Variants in TECTB observed in about 807,000 individuals in gnomAD.
The protein encoded by TECTB is tectorin beta.
A neutral mutation model predicts 43.3 loss-of-function variants in TECTB; 45 were observed. The ratio of observed to expected loss-of-function variants is 1.04; its 90% CI spans 0.82 to 1.33. The LOEUF (loss-of-function observed/expected upper bound fraction) is 1.33. Among genes scored for constraint, TECTB ranks in the 40% most tolerant of loss-of-function variants. TECTB has a pLI of 0.00. For missense variants in TECTB, 399 were observed against 404.7 expected (o/e 0.99, Z 0.12); for synonymous variants, 169 against 156.7 (o/e 1.08, Z -0.59).
chr10:112,296,754 T>C (rs1848549831), intron 7 of TECTB, among the ~76,000 whole-genome samples: 1 of 152,074 alleles, frequency 6.6e-6, no homozygotes, highest in Non-Finnish European at 1.5e-5. Context: ...TGGCCCCCCG[T>C]TGTCTGTTTC....
At chr10:112,297,131 T>C (rs1848554678) in intron 7 of TECTB, among the ~76,000 whole-genome samples, 1 of 152,298 alleles carries the variant, frequency 6.6e-6, no homozygotes, top group Non-Finnish European at 1.5e-5. Context: ...GGTTTCTCAA[T>C]GTTGGCACCT....
intron 9 of TECTB, among the ~76,000 whole-genome samples, chr10:112,300,119 G>A (rs1405744964): frequency 6.8e-6 from 1 of 146,608 alleles, no homozygotes; most frequent in Non-Finnish European, 1.5e-5. Context: ...CTGAGATCGC[G>A]CCATTGTACT....
Position 112,283,823 on chromosome 10 carries a change from C to A in TECTB, c.76+13C>A. The A allele has an allele frequency of 1.9e-6, 3 of 1,612,776 alleles. No homozygotes were observed. Among genetic ancestry groups the A allele is most frequent in the Non-Finnish European group, 2.5e-6 (3 of 1,179,470 alleles). On this transcript the variant is annotated intron_variant, in intron 2 of 10. Transcript: ENST00000646139. ...CCAAATAAAGCAGGTATGTCCTCGC[C>A]AAGTCCATTTTCCTGGGACGAAAAG...
At chr10:112,297,248 T>G (rs570787201) in intron 7 of TECTB, among the ~76,000 whole-genome samples, 4 of 152,204 alleles carry the variant, frequency 2.6e-5, no homozygotes, top group African/African-American at 4.8e-5. Context: ...CCAGCAGCAC[T>G]TCCCCCAGCC....
In TECTB at chr10:112,293,746, G is replaced by A; in HGVS notation, c.492G>A (p.Lys164=). The A allele has an allele frequency of 6.2e-7, 1 of 1,614,040 alleles. No homozygotes were observed. Among genetic ancestry groups the A allele is most frequent in the African/African-American group, 1.3e-5 (1 of 74,974 alleles). The change falls in exon 6 of 11, where the codon AAG becomes AAA. Residue 164 remains lysine, a synonymous_variant. Transcript: ENST00000646139. ...QLSLNFYTNA[K]FSIKKEAPFV... ...TCAATTTCCTTCCAAAGAATGCCAA[G>A]TTCTCCATCAAGAAAGAAGCTCCCT...
rs568705045 is a variant in TECTB at position 112,304,462 on chromosome 10, T to C, written c.*1150T>C. On this transcript the variant is annotated 3_prime_UTR_variant, in exon 11 of 11. Transcript: ENST00000646139. ...AATATGCCCATATAAATGATTTACA[T>C]TGTCAACAAAATACAAACTGAATGA... The C allele has an allele frequency of 6.6e-6, 1 of 152,366 alleles. No individual in the cohort carries two copies. Among genetic ancestry groups the C allele is most frequent in the East Asian group, 1.9e-4 (1 of 5,192 alleles). 9.4% of individuals were successfully genotyped at this position (152,366 alleles called of 1,614,324 possible). A position where few individuals can be genotyped will look rare whatever the true frequency, so the allele number is the denominator to read the frequency against.
chr10:112,290,285 T>G (rs1325456018), intron 5 of TECTB, among the ~76,000 whole-genome samples: 2 of 152,322 alleles, frequency 1.3e-5, no homozygotes, highest in South Asian at 2.1e-4. Flanking sequence ...TGGTACTATC[T>G]GCAGTTTCAG....
At chr10:112,296,011 T>C (rs1265703666) in intron 7 of TECTB, among the ~76,000 whole-genome samples, 1 of 152,218 alleles carries the variant, frequency 6.6e-6, no homozygotes, top group Non-Finnish European at 1.5e-5. Flanking sequence ...CAGCCAGATG[T>C]AAGACATCCC....
At chr10:112,286,785 G>C (rs1436256765) in intron 5 of TECTB, among the ~76,000 whole-genome samples, 1 of 152,120 alleles carries the variant, frequency 6.6e-6, no homozygotes, top group African/African-American at 2.4e-5. Flanking sequence ...AGCCAGATGT[G>C]GTGGCACATG....
At position 112,298,227 on chromosome 10, in the gene TECTB, C is replaced by A; in HGVS notation, c.830C>A (p.Pro277Gln). ...FICDSEKLSC[P>Q]VTCDKRKRLL... ...TGCGACAGTGAGAAACTCTCCTGCC[C>A]AGTGGTGAGCTGCCTCTCTCCAGAA... is the stretch of plus-strand genomic sequence containing the variant. The change falls in exon 8 of 11, where the codon CCA (proline) becomes CAA (glutamine). Residue 277 changes from proline (P) to glutamine (Q), a missense_variant. Coordinates refer to ENST00000646139, the MANE Select transcript of TECTB (RefSeq NM_058222.3). 14 of 1,612,878 alleles carry A rather than the reference C, an allele frequency of 8.7e-6. No individual in the cohort carries two copies. The highest frequency in any genetic ancestry group is 1.2e-5 in the Non-Finnish European group (14 of 1,179,442).
In TECTB at chr10:112,298,364, G is replaced by C. The variant is rs930828609; in HGVS notation, c.834+133G>C. The C allele has an allele frequency of 1.3e-5, 15 of 1,160,642 alleles. No homozygotes were observed. The African/African-American group carries it at 1.8e-4, about 14-fold the overall frequency. The allele number at this position is 1,160,642 out of a possible 1,614,324, so 71.9% of individuals were successfully genotyped here. On this transcript the variant is annotated intron_variant, in intron 8 of 10. Coordinates refer to ENST00000646139, the MANE Select transcript of TECTB (RefSeq NM_058222.3). ...GAGGACATCTGGAGGAAATGGCACT[G>C]AGTATAAGGGCAGATGCTCGTGAGG...
At chr10:112,300,210 GACAGAC>G (rs1564710366) in intron 9 of TECTB, among the ~76,000 whole-genome samples, 2 of 111,028 alleles carry the variant, frequency 1.8e-5, no homozygotes, top group African/African-American at 3.3e-5. Flanking sequence ...AAGAGAGACA[GACAGAC>G]AGACAGAAAG....
At chr10:112,289,666 G>T (rs1240642965) in intron 5 of TECTB, among the ~76,000 whole-genome samples, 1 of 152,104 alleles carries the variant, frequency 6.6e-6, no homozygotes, top group East Asian at 1.9e-4. Flanking sequence ...TCTGTTGGTG[G>T]TTCATTCACC....
chr10:112,298,305 G>A lies in TECTB; in HGVS notation c.834+74G>A. 2.6e-6 allele frequency: 4 copies of A among 1,542,458 alleles called. No homozygotes were observed. The South Asian group carries it at 4.8e-5, about 19-fold the overall frequency. ...ATTGGAGGAGCTGGAGTTTGAGTGG[G>A]GAGATCATAACCAGGCCAGGGCAGC... is the stretch of plus-strand genomic sequence containing the variant. On this transcript the variant is annotated intron_variant, in intron 8 of 10. Transcript: ENST00000646139.
At chr10:112,288,449 C>A (rs1472147646) in intron 5 of TECTB, among the ~76,000 whole-genome samples, 1 of 152,150 alleles carries the variant, frequency 6.6e-6, no homozygotes, top group Admixed American at 6.5e-5. Flanking sequence ...AATTAAGGGT[C>A]AAGCGTCCCC....
intron 8 of TECTB, among the ~76,000 whole-genome samples, chr10:112,298,450 G>A (rs143936443): frequency 1.6e-3 from 249 of 152,308 alleles, no homozygotes; most frequent in African/African-American, 5.8e-3. Flanking sequence ...GGCATGTGTC[G>A]CCTAACCTGC....
At position 112,304,543 on chromosome 10, in the gene TECTB, T is replaced by C. The variant is rs1439804028; in HGVS notation, c.*1231T>C. Reference sequence around the variant, plus strand: ...TGATAGGAAAAGGCAGAGTTCTAAGTCCTTAGTTATGTAAAGACTTAATTA... The same window carrying C: ...TGATAGGAAAAGGCAGAGTTCTAAGCCCTTAGTTATGTAAAGACTTAATTA... On this transcript the variant is annotated 3_prime_UTR_variant, in exon 11 of 11. Coordinates refer to ENST00000646139, the MANE Select transcript of TECTB (RefSeq NM_058222.3). The C allele has an allele frequency of 6.6e-6, 1 of 152,230 alleles. No homozygotes were observed. The highest frequency in any genetic ancestry group is 1.5e-5 in the Non-Finnish European group (1 of 68,038). The allele number at this position is 152,230 out of a possible 1,614,324, so 9.4% of individuals were successfully genotyped here.
Position 112,303,499 on chromosome 10 carries a change from AACTT to A in TECTB, c.*189_*192del. On this transcript the variant is annotated 3_prime_UTR_variant, in exon 11 of 11. Transcript: ENST00000646139. ...GTGATGCCTTTTTCTTTCTAAGAAA[AACTT>A]AGGCTACTTCCCGTGGCCCTTAGAT... 1 of 691,728 alleles carries A rather than the reference AACTT, an allele frequency of 1.4e-6. No individual in the cohort carries two copies. The highest frequency in any genetic ancestry group is 2.4e-6 in the Non-Finnish European group (1 of 412,898). 42.8% of individuals were successfully genotyped at this position (691,728 alleles called of 1,614,324 possible). A position where few individuals can be genotyped will look rare whatever the true frequency, so the allele number is the denominator to read the frequency against.
At chr10:112,297,984 G>A (rs745595711) in intron 7 of TECTB, 85 bp from the exon 8 acceptor site, 14 of 1,585,086 alleles carry the variant, frequency 8.8e-6, no homozygotes, top group Admixed American at 1.7e-5. Flanking sequence ...TAACCACCTC[G>A]GGAGCCTTGT....
Sources: gnomAD v4.1 joint callset for allele counts (sites outside exome capture counted in the v4.1 genomes callset) on GRCh38, gnomAD v4.1.1 for gene constraint, MANE v1.5 for transcripts, NCBI Gene and HGNC (gene_info 2026-07-23, HGNC 2026-07-21) for gene names.